The following ALS2 variants were observed in gnomAD, a reference collection of about 807,000 sequenced individuals.
ALS2 encodes the protein alsin.
A neutral mutation model predicts 203.4 loss-of-function variants in ALS2; 117 were observed. The observed-to-expected ratio is 0.58, with a 90% confidence interval of 0.50 to 0.67. The LOEUF is 0.67. ALS2 is among the 30% of genes least tolerant of loss of function. The pLI, the probability that ALS2 is intolerant of heterozygous loss-of-function variation, is 0.00. For synonymous variants in ALS2, 718 were observed against 725.9 expected (o/e 0.99, Z 0.17); for missense variants, 1,715 against 1,989.4 (o/e 0.86, Z 2.62).
At chr2:201,764,423 A>T (rs979184970) in intron 3 of ALS2, among the ~76,000 whole-genome samples, 1 of 151,786 alleles carries the variant, frequency 6.6e-6, no homozygotes, top group Non-Finnish European at 1.5e-5. Context: ...CTAGGTCAGG[A>T]GTTTGAGACC....
At chr2:201,725,505 C>T (rs1340103308) in intron 19 of ALS2, 51 bp from the exon 20 acceptor site, 9 of 1,427,174 alleles carry the variant, frequency 6.3e-6, no homozygotes, top group Non-Finnish European at 8.9e-6. Context: ...ATGACATATT[C>T]ACCTTTTGTA....
At chr2:201,719,141 T>C (rs1690593683) in intron 23 of ALS2, among the ~76,000 whole-genome samples, 1 of 152,196 alleles carries the variant, frequency 6.6e-6, no homozygotes, top group Non-Finnish European at 1.5e-5. Context: ...TACCAGCCTA[T>C]AGAATTAAAA....
At chr2:201,749,306 T>C (rs1692876045) in intron 8 of ALS2, among the ~76,000 whole-genome samples, 1 of 152,206 alleles carries the variant, frequency 6.6e-6, no homozygotes, top group Non-Finnish European at 1.5e-5. Flanking sequence ...ACTCTGCATG[T>C]TATTTTTAAA....
At chr2:201,725,597 G>A (rs113322414) in intron 19 of ALS2, 143 bp from the exon 20 acceptor site, 25 of 764,132 alleles carry the variant, frequency 3.3e-5, no homozygotes, top group Middle Eastern at 2.6e-4. Flanking sequence ...CAGCATCTTG[G>A]TTTAAGGTGA....
In ALS2 at chr2:201,706,840, A is replaced by G; in HGVS notation, c.4580+6T>C. 1 of 1,613,926 alleles carries G rather than the reference A, an allele frequency of 6.2e-7. No homozygotes were observed. The highest frequency in any genetic ancestry group is 8.5e-7 in the Non-Finnish European group (1 of 1,179,914). The stretch of plus-strand genomic sequence containing the variant: ...ATTTGGTTGCGCTTGTAACTACTAC[A>G]CTTACCTCTGCACCCCAAGAAAGCC... On this transcript the variant is annotated splice_donor_region_variant and intron_variant, in intron 29 of 33. Coordinates refer to ENST00000264276, the MANE Select transcript of ALS2 (RefSeq NM_020919.4).
intron 1 of ALS2, among the ~76,000 whole-genome samples, chr2:201,771,042 A>ATT (rs34578117): frequency 3.1e-4 from 32 of 104,430 alleles, no homozygotes; most frequent in African/African-American, 7.5e-4. Flanking sequence ...GTATTTACAG[A>ATT]TTTTTTTTTT....
chr2:201,757,408 A>G lies in ALS2; in HGVS notation c.1465T>C (p.Ser489Pro). The change falls in exon 5 of 34, where the codon TCA (serine) becomes CCA (proline). Residue 489 changes from serine (S) to proline (P), a missense_variant. Physicochemically the swap from Ser to Pro is moderately conservative, Grantham distance 74. Transcript: ENST00000264276. ...AACCTAGTTATTTCCTTACCTTGTGACAACAATCCAGGGAGGGAGAGTCTT... is the reference window on the plus strand; with the variant it reads ...AACCTAGTTATTTCCTTACCTTGTGGCAACAATCCAGGGAGGGAGAGTCTT... ...SRRLSLPGLLSQVSPRLLRKA... is the reference protein window; with the variant it reads ...SRRLSLPGLLPQVSPRLLRKA... The G allele has an allele frequency of 1.9e-6, 3 of 1,613,482 alleles. No homozygotes were observed. Among genetic ancestry groups the G allele is most frequent in the Non-Finnish European group, 2.5e-6 (3 of 1,179,400 alleles).
intron 25 of ALS2, among the ~76,000 whole-genome samples, chr2:201,713,127 T>C (rs1690137193): frequency 9.7e-6 from 1 of 102,580 alleles, no homozygotes; most frequent in African/African-American, 3.2e-5. Flanking sequence ...TTTCTCCTTT[T>C]CTTTTCTTTT....
At chr2:201,764,628 C>T (rs954519252) in intron 3 of ALS2, among the ~76,000 whole-genome samples, 52 of 138,412 alleles carry the variant, frequency 3.8e-4, no homozygotes, top group Non-Finnish European at 6.4e-4. Context: ...AGCGAGACTC[C>T]GTCTCAAAAT....
intron 8 of ALS2, among the ~76,000 whole-genome samples, chr2:201,747,718 G>A (rs911264664): frequency 2.6e-5 from 4 of 152,098 alleles, no homozygotes; most frequent in Admixed American, 6.6e-5. Flanking sequence ...CAAAGTGCTG[G>A]GATTACGGGC....
At position 201,706,535 on chromosome 2, in the gene ALS2, T is replaced by TTATATATATATA. The variant is rs34345642; in HGVS notation, c.4580+299_4580+310dup. ...AATACCAGGCAAAATAGCTCACACTTTATATATATATATATATATAACTAT... is the reference window on the plus strand; with the variant it reads ...AATACCAGGCAAAATAGCTCACACTTTATATATATATATATATATATATATATATATAACTAT... On this transcript the variant is annotated intron_variant, in intron 29 of 33. Transcript: ENST00000264276. 7.6e-3 allele frequency among the ~76,000 whole-genome samples: 1,100 copies of TTATATATATATA among 143,802 alleles called. 11 individuals are homozygous for TTATATATATATA. Among genetic ancestry groups the TTATATATATATA allele is most frequent in the East Asian group, 0.024 (117 of 4,964 alleles). 94.3% of individuals were successfully genotyped at this position (143,802 alleles called of 152,430 possible).
intron 27 of ALS2, among the ~76,000 whole-genome samples, chr2:201,709,180 AATT>A (rs1689888784): frequency 6.6e-6 from 1 of 152,204 alleles, no homozygotes; most frequent in East Asian, 1.9e-4. Context: ...TGTCTCATTT[AATT>A]GCCTTCTTCG....
intron 1 of ALS2, chr2:201,778,597 T>G (rs552670480): frequency 2.0e-5 from 3 of 152,212 alleles, no homozygotes; most frequent in South Asian, 2.1e-4. Flanking sequence ...TATTGATGAC[T>G]ACCTAACATT....
intron 11 of ALS2, chr2:201,741,314 C>T (rs1007763370): frequency 2.2e-5 from 5 of 230,454 alleles, no homozygotes; most frequent in Non-Finnish European, 4.4e-5. Context: ...AGCAGTTGGT[C>T]TTGAAATAAT....
At chr2:201,741,899 G>A (rs765139637) in intron 10 of ALS2, 45 bp from the exon 11 acceptor site, 23 of 1,480,834 alleles carry the variant, frequency 1.6e-5, no homozygotes, top group South Asian at 3.5e-5. Context: ...ACTGAAAACC[G>A]ATCACTTTAT....
At chr2:201,733,574 A>T in intron 12 of ALS2, 136 bp from the exon 13 acceptor site, 2 of 758,000 alleles carry the variant, frequency 2.6e-6, no homozygotes, top group Non-Finnish European at 4.3e-6. Flanking sequence ...AAATACAATG[A>T]AATAAGCCAG....
intron 11 of ALS2, among the ~76,000 whole-genome samples, chr2:201,740,726 A>T (rs1692215368): frequency 6.6e-6 from 1 of 152,218 alleles, no homozygotes; most frequent in Non-Finnish European, 1.5e-5. Flanking sequence ...TATAGGTTGG[A>T]AAGGAAATAC....
At chr2:201,742,163 T>A (rs887576145) in intron 10 of ALS2, among the ~76,000 whole-genome samples, 8 of 152,232 alleles carry the variant, frequency 5.3e-5, no homozygotes, top group Non-Finnish European at 1.0e-4. Context: ...AATGCAACTC[T>A]CTGGTCATTT....
At chr2:201,708,404 T>C (rs902955397) in intron 27 of ALS2, among the ~76,000 whole-genome samples, 3 of 152,176 alleles carry the variant, frequency 2.0e-5, no homozygotes, top group African/African-American at 7.2e-5. Context: ...AAAGTTTTAT[T>C]TTATTTTTAT....
Sources: gnomAD v4.1 joint callset for allele counts (sites outside exome capture counted in the v4.1 genomes callset) on GRCh38, gnomAD v4.1.1 for gene constraint, MANE v1.5 for transcripts, NCBI Gene and HGNC (gene_info 2026-07-23, HGNC 2026-07-21) for gene names.